Variants in MTHFD2L observed in about 807,000 individuals in gnomAD.
MTHFD2L encodes methylenetetrahydrofolate dehydrogenase (NADP+ dependent) 2 like, also known as bifunctional methylenetetrahydrofolate dehydrogenase/cyclohydrolase 2, mitochondrial.
In MTHFD2L, 29 loss-of-function variants were observed where a neutral mutation model predicts 34.9. The ratio of observed to expected loss-of-function variants is 0.83; its 90% CI spans 0.62 to 1.13. MTHFD2L has a LOEUF of 1.13. MTHFD2L is among the 50% of genes most tolerant of loss of function. MTHFD2L has a pLI of 0.00. For synonymous variants in MTHFD2L, 167 were observed against 155.7 expected, an observed-to-expected ratio of 1.07 and a Z score of -0.54; for missense variants, 481 against 446.5, an observed-to-expected ratio of 1.08 and a Z score of -0.70.
At chr4:74,296,378 A>C (rs1033757231) in intron 7 of MTHFD2L, among the ~76,000 whole-genome samples, 1 of 152,150 alleles carries the variant, frequency 6.6e-6, no homozygotes, top group Non-Finnish European at 1.5e-5. Context: ...ATTATAAAAA[A>C]TGGCCACACA....
intron 1 of MTHFD2L, among the ~76,000 whole-genome samples, chr4:74,127,480 T>C (rs549237915): frequency 5.9e-5 from 9 of 152,314 alleles, no homozygotes; most frequent in African/African-American, 2.2e-4. Flanking sequence ...GTCTCCCACA[T>C]ATGAGTGAGA....
Position 74,175,309 on chromosome 4 carries a change from T to C in MTHFD2L, c.357T>C (p.Pro119=). ...VGICSELILK[P]KDVSQEELLD... is the part of the protein sequence containing the mutation. ...TTTGTAGTGAGCTCATTCTAAAACC[T>C]AAGGATGTTTCTCAGGAAGAACTTT... is the stretch of plus-strand genomic sequence containing the variant. Residue 119 remains proline, a synonymous_variant, in exon 3 of 8, where the codon CCT becomes CCC. Coordinates refer to ENST00000325278, the MANE Select transcript of MTHFD2L (RefSeq NM_001144978.3). 6.2e-7 allele frequency: 1 copy of C among 1,613,228 alleles called. No individual in the cohort carries two copies. The highest frequency in any genetic ancestry group is 8.5e-7 in the Non-Finnish European group (1 of 1,179,418).
chr4:74,204,491 G>C (rs1398387502), intron 5 of MTHFD2L, among the ~76,000 whole-genome samples: 8 of 152,042 alleles, frequency 5.3e-5, no homozygotes, highest in Admixed American at 3.9e-4. Context: ...TCTTCTGGTG[G>C]ATTTTGTTTT....
chr4:74,168,984 T>C (rs555072517), intron 1 of MTHFD2L, among the ~76,000 whole-genome samples: 4 of 152,364 alleles, frequency 2.6e-5, no homozygotes, highest in South Asian at 2.1e-4. Context: ...TCATTGGACC[T>C]GCATTAATTT....
At chr4:74,170,991 G>T (rs1463915236) in intron 1 of MTHFD2L, among the ~76,000 whole-genome samples, 1 of 118,446 alleles carries the variant, frequency 8.4e-6, no homozygotes, top group East Asian at 3.2e-4. Flanking sequence ...GGTGGGGGGA[G>T]GGGGGAGGGA....
chr4:74,193,329 C>T (rs1203509847), intron 3 of MTHFD2L, among the ~76,000 whole-genome samples: 4 of 152,126 alleles, frequency 2.6e-5, no homozygotes, highest in African/African-American at 9.7e-5. Context: ...TGTTCTTATG[C>T]CTGTATCACA....
chr4:74,250,359 G>A (rs1266586676), intron 6 of MTHFD2L, among the ~76,000 whole-genome samples: 2 of 152,032 alleles, frequency 1.3e-5, no homozygotes, highest in African/African-American at 2.4e-5. Flanking sequence ...TTTAAAAATA[G>A]CAGTCTTTTT....
upstream of MTHFD2L, among the ~76,000 whole-genome samples, chr4:74,121,483 G>T (rs183023040): frequency 1.8e-3 from 264 of 150,610 alleles, 2 homozygotes; most frequent in African/African-American, 6.0e-3. Context: ...GCAATATACT[G>T]CAGGTGTCAC....
chr4:74,170,615 G>A (rs1269511182), intron 1 of MTHFD2L, among the ~76,000 whole-genome samples: 1 of 151,956 alleles, frequency 6.6e-6, no homozygotes, highest in Non-Finnish European at 1.5e-5. Flanking sequence ...ATTAAGAACT[G>A]TTCTAAAAAC....
intron 5 of MTHFD2L, among the ~76,000 whole-genome samples, chr4:74,211,167 C>G (rs910104495): frequency 3.3e-5 from 5 of 152,140 alleles, no homozygotes; most frequent in Admixed American, 3.3e-4. Context: ...ATTTGAATAC[C>G]CTTTATTTTT....
chr4:74,241,145 G>T (rs1316541803), intron 6 of MTHFD2L, among the ~76,000 whole-genome samples: 1 of 152,110 alleles, frequency 6.6e-6, no homozygotes, highest in Non-Finnish European at 1.5e-5. Flanking sequence ...GAAAGAGATA[G>T]AAAAGAAACC....
chr4:74,276,091 G>A (rs1419397835), intron 6 of MTHFD2L, among the ~76,000 whole-genome samples: 1 of 152,024 alleles, frequency 6.6e-6, no homozygotes, highest in African/African-American at 2.4e-5. Flanking sequence ...GCTTAGAATT[G>A]GATGATTATA....
upstream of MTHFD2L, chr4:74,158,071 G>A (rs1217256941): frequency 3.9e-6 from 6 of 1,531,188 alleles, no homozygotes; most frequent in East Asian, 2.5e-5. Context: ...GCGGAGCCAG[G>A]CCTCCAGCCG....
chr4:74,218,252 G>A (rs577494903), intron 5 of MTHFD2L, among the ~76,000 whole-genome samples: 7 of 152,126 alleles, frequency 4.6e-5, no homozygotes, highest in Non-Finnish European at 1.0e-4. Context: ...GAAGAATCAT[G>A]TTTTCAGTGA....
chr4:74,187,762 AC>A (rs1467133976), intron 3 of MTHFD2L, among the ~76,000 whole-genome samples: 3 of 148,102 alleles, frequency 2.0e-5, no homozygotes, highest in Non-Finnish European at 4.5e-5. Context: ...ACACACACAC[AC>A]ACACACACTG....
At chr4:74,168,076 C>T (rs1208235209) in intron 1 of MTHFD2L, among the ~76,000 whole-genome samples, 2 of 152,182 alleles carry the variant, frequency 1.3e-5, no homozygotes, top group Non-Finnish European at 2.9e-5. Context: ...GTCTCCACTT[C>T]TCCCCTTGAT....
At chr4:74,265,542 A>G (rs1745187321) in intron 6 of MTHFD2L, among the ~76,000 whole-genome samples, 1 of 152,204 alleles carries the variant, frequency 6.6e-6, no homozygotes, top group Admixed American at 6.5e-5. Context: ...ATCCAGTCTT[A>G]TGAAGGACTA....
intron 3 of MTHFD2L, chr4:74,190,391 T>G: frequency 6.2e-6 from 5 of 808,100 alleles, no homozygotes; most frequent in Non-Finnish European, 7.5e-6. Context: ...TTCATTAATT[T>G]TTATTTTTTA....
chr4:74,151,490 A>T (rs934019501), intron 1 of MTHFD2L, among the ~76,000 whole-genome samples: 3 of 152,180 alleles, frequency 2.0e-5, no homozygotes, highest in Non-Finnish European at 4.4e-5. Flanking sequence ...CTGGTTTCAC[A>T]CTACCTGAGA....
Sources: gnomAD v4.1 joint callset for allele counts (sites outside exome capture counted in the v4.1 genomes callset) on GRCh38, gnomAD v4.1.1 for gene constraint, MANE v1.5 for transcripts, NCBI Gene and HGNC (gene_info 2026-07-23, HGNC 2026-07-21) for gene names.